PCDH15: variants seen among roughly 807,000 people sequenced by gnomAD.
PCDH15 encodes the protein protocadherin related 15.
PCDH15 carries 129 observed loss-of-function variants against 178.5 expected under a neutral mutation model. That is an observed-to-expected ratio of 0.72 (90% CI 0.63 to 0.84). The LOEUF (loss-of-function observed/expected upper bound fraction) is 0.84. Ranked by LOEUF, PCDH15 falls within the 40% of genes least tolerant of loss-of-function variation. The pLI, the probability that PCDH15 is intolerant of heterozygous loss-of-function variation, is 0.00. For missense variants in PCDH15, 2,230 were observed against 2,099.9 expected, an observed-to-expected ratio of 1.06 and a Z score of -1.21; for synonymous variants, 800 against 732.0, an observed-to-expected ratio of 1.09 and a Z score of -1.50.
At chr10:54,911,959 C>T (rs948825898) in intron 2 of PCDH15, among the ~76,000 whole-genome samples, 3 of 152,124 alleles carry the variant, frequency 2.0e-5, no homozygotes, top group Non-Finnish European at 2.9e-5. Context: ...AGAACTAATA[C>T]AAACATCCAT....
chr10:54,279,803 C>T (rs575106620), intron 8 of PCDH15, among the ~76,000 whole-genome samples: 7 of 151,776 alleles, frequency 4.6e-5, no homozygotes, highest in Non-Finnish European at 1.0e-4. Context: ...CACTTATTTA[C>T]GGTGACATTT....
intron 3 of PCDH15, among the ~76,000 whole-genome samples, chr10:54,409,579 T>C (rs1345933296): frequency 1.3e-5 from 2 of 152,132 alleles, no homozygotes; most frequent in African/African-American, 4.8e-5. Flanking sequence ...CAAAATACTA[T>C]AGTGGTATTC....
At chr10:55,132,666 C>A (rs951093108) in intron 2 of PCDH15, among the ~76,000 whole-genome samples, 20 of 152,032 alleles carry the variant, frequency 1.3e-4, no homozygotes, top group African/African-American at 4.6e-4. Context: ...AATACAAATC[C>A]AAGTATTTTA....
intron 20 of PCDH15, among the ~76,000 whole-genome samples, chr10:54,006,459 T>C (rs966196892): frequency 6.6e-6 from 1 of 152,152 alleles, no homozygotes; most frequent in Non-Finnish European, 1.5e-5. Flanking sequence ...CTCCAGACAA[T>C]ACCTCTTACC....
rs115506094 is a variant in PCDH15 at position 54,814,736 on chromosome 10, C to T, written c.-29+82714G>A. On this transcript the variant is annotated intron_variant, in intron 3 of 5. Coordinates refer to the PCDH15 transcript ENST00000458638. ...GAGGTTGCAATTTTTTGAATTTTTG[C>T]AATCAGACCTTTGTGTTGACCTTGA... Among the ~76,000 whole-genome samples, 1,058 of 152,174 alleles carry T rather than the reference C, an allele frequency of 7.0e-3. 13 individuals carry two copies. Among genetic ancestry groups the T allele is most frequent in the African/African-American group, 0.024 (993 of 41,522 alleles).
intron 2 of PCDH15, among the ~76,000 whole-genome samples, chr10:54,960,492 T>C (rs1485323335): frequency 1.3e-5 from 2 of 152,142 alleles, no homozygotes. Flanking sequence ...ATAAAAAAAC[T>C]AATACTCTTG....
chr10:55,222,730 C>CACATATATATATAT, intron 1 of PCDH15, among the ~76,000 whole-genome samples: 10 of 121,266 alleles, frequency 8.2e-5, no homozygotes, highest in African/African-American at 1.7e-4. Context: ...CACACACACA[C>CACATATATATATAT]ATATATATAT....
At chr10:53,977,325 A>AC (rs959076842) in intron 21 of PCDH15, among the ~76,000 whole-genome samples, 19 of 151,876 alleles carry the variant, frequency 1.3e-4, no homozygotes, top group Non-Finnish European at 2.6e-4. Context: ...GAAAGCTTTA[A>AC]AAAAAATCAC....
chr10:53,897,508 C>G (rs1291484252), intron 26 of PCDH15, among the ~76,000 whole-genome samples: 3 of 152,142 alleles, frequency 2.0e-5, no homozygotes, highest in Admixed American at 6.5e-5. Flanking sequence ...CCTCTCTCCT[C>G]TTTTTCTTTA....
chr10:55,456,652 A>T (rs1386831887), intron 2 of PCDH15, among the ~76,000 whole-genome samples: 1 of 152,070 alleles, frequency 6.6e-6, no homozygotes, highest in Non-Finnish European at 1.5e-5. Flanking sequence ...TATATTTTGG[A>T]TAAAAATAAA....
At position 54,861,799 on chromosome 10, in the gene PCDH15, A is replaced by G. The variant is rs993526776; in HGVS notation, c.-29+35651T>C. On this transcript the variant is annotated intron_variant, in intron 3 of 5. Coordinates refer to the PCDH15 transcript ENST00000458638. The stretch of plus-strand genomic sequence containing the variant: ...ATATGATTTTATACATAAAAACCCT[A>G]AAGATTCCTCCAAAAGACTCCTACA... Among the ~76,000 whole-genome samples, 6 of 152,180 alleles carry G rather than the reference A, an allele frequency of 3.9e-5. No individual in the cohort carries two copies. The South Asian group carries it at 1.2e-3, about 32-fold the overall frequency.
chr10:54,842,173 T>G (rs1347739488), intron 3 of PCDH15, among the ~76,000 whole-genome samples: 2 of 105,736 alleles, frequency 1.9e-5, no homozygotes, highest in Admixed American at 2.3e-4. Context: ...GAAAAGTGTG[T>G]GTATGTGTGC....
rs754656959 is a variant in PCDH15 at position 55,285,060 on chromosome 10, C to A, written c.-156+34539G>T. Among the ~76,000 whole-genome samples, 5 of 151,024 alleles carry A rather than the reference C, an allele frequency of 3.3e-5. No individual in the cohort carries two copies. In the East Asian group the frequency reaches 7.8e-4, roughly 24 times the overall value. On this transcript the variant is annotated intron_variant, in intron 1 of 5. Coordinates refer to the PCDH15 transcript ENST00000458638. ...ACTATAGTTGAATAGTTTTCTTAAT[C>A]TCTCTGAAGATATTGAGCTTTCCAT...
intron 1 of PCDH15, among the ~76,000 whole-genome samples, chr10:55,220,368 A>G (rs1380384375): frequency 6.6e-6 from 1 of 152,018 alleles, no homozygotes; most frequent in African/African-American, 2.4e-5. Flanking sequence ...ACAGGAATCT[A>G]ACTTGTCATT....
chr10:54,168,891 T>C (rs1047441459), intron 13 of PCDH15, among the ~76,000 whole-genome samples: 3 of 151,796 alleles, frequency 2.0e-5, no homozygotes, highest in South Asian at 2.1e-4. Context: ...AGGTGTACAA[T>C]AATAGAAAAA....
At chr10:54,028,157 C>T (rs1405686205) in intron 18 of PCDH15, among the ~76,000 whole-genome samples, 1 of 149,154 alleles carries the variant, frequency 6.7e-6, no homozygotes, top group South Asian at 2.1e-4. Flanking sequence ...CAAAAGAAGA[C>T]ATTTATGCAG....
chr10:54,323,647 T>TC (rs2061744217), intron 7 of PCDH15, among the ~76,000 whole-genome samples: 1 of 152,034 alleles, frequency 6.6e-6, no homozygotes. Context: ...TATCAGTTTT[T>TC]CAATGGGAGC....
At chr10:54,549,104 C>T (rs1407851307) in intron 2 of PCDH15, among the ~76,000 whole-genome samples, 2 of 151,000 alleles carry the variant, frequency 1.3e-5, no homozygotes, top group South Asian at 2.1e-4. Flanking sequence ...TCTATTTTTC[C>T]TGTTCATTTT....
At chr10:54,739,617 A>G (rs764212449) in intron 1 of PCDH15, among the ~76,000 whole-genome samples, 13 of 151,864 alleles carry the variant, frequency 8.6e-5, no homozygotes, top group Non-Finnish European at 1.8e-4. Flanking sequence ...CAAATAGCCA[A>G]AGCAATCCAG....
Sources: gnomAD v4.1 joint callset for allele counts (sites outside exome capture counted in the v4.1 genomes callset) on GRCh38, gnomAD v4.1.1 for gene constraint, MANE v1.5 for transcripts, NCBI Gene and HGNC (gene_info 2026-07-23, HGNC 2026-07-21) for gene names.